SESN3: variants seen among roughly 807,000 people sequenced by gnomAD.
SESN3 encodes sestrin 3.
Under a neutral mutation model 55.3 loss-of-function variants are expected in SESN3, and 21 were observed. That is an observed-to-expected ratio of 0.38 (90% CI 0.27 to 0.55). SESN3 has a LOEUF of 0.55. Ranked by LOEUF, SESN3 falls within the 20% of genes least tolerant of loss-of-function variation. SESN3 has a pLI of 0.76. For synonymous variants in SESN3, 181 were observed against 203.1 expected (o/e 0.89, Z 0.93); for missense variants, 408 against 604.3 (o/e 0.68, Z 3.41).
At chr11:95,192,077 T>C (rs1860279874) in intron 2 of SESN3, among the ~76,000 whole-genome samples, 1 of 152,052 alleles carries the variant, frequency 6.6e-6, no homozygotes, top group South Asian at 2.1e-4. Context: ...AAAAAAAACT[T>C]TCTGAAGTCT....
rs1049580328 is a variant in SESN3 at position 95,169,230 on chromosome 11, G to A, written c.*4025C>T. On this transcript the variant is annotated 3_prime_UTR_variant, in exon 10 of 10. Coordinates refer to ENST00000536441, the MANE Select transcript of SESN3 (RefSeq NM_144665.4). ...ATTCATGTTACAGTACTGCTTTGAA[G>A]AAAGACTATTTAATTTGATTCTCAG... 3.3e-5 allele frequency: 5 copies of A among 152,156 alleles called. No individual in the cohort carries two copies. Among genetic ancestry groups the A allele is most frequent in the African/African-American group, 1.2e-4 (5 of 41,432 alleles). 9.4% of individuals were successfully genotyped at this position (152,156 alleles called of 1,614,324 possible). A position where few individuals can be genotyped will look rare whatever the true frequency, so the allele number is the denominator to read the frequency against.
intron 1 of SESN3, among the ~76,000 whole-genome samples, chr11:95,220,307 G>A (rs1387000140): frequency 2.0e-5 from 3 of 152,054 alleles, no homozygotes; most frequent in Non-Finnish European, 1.5e-5. Context: ...TCCAATTCGC[G>A]AGACACATAC....
chr11:95,223,210 C>A (rs759975384), intron 1 of SESN3, among the ~76,000 whole-genome samples: 12 of 149,440 alleles, frequency 8.0e-5, no homozygotes, highest in Admixed American at 1.3e-4. Context: ...GTCCACTATA[C>A]CTTTGAGGAT....
intron 1 of SESN3, among the ~76,000 whole-genome samples, chr11:95,212,912 C>G (rs2134257501): frequency 6.6e-6 from 1 of 152,244 alleles, no homozygotes; most frequent in East Asian, 1.9e-4. Context: ...TCATTTGAAT[C>G]TGCTCTCTGT....
At chr11:95,228,791 C>A (rs1860995038) in intron 1 of SESN3, among the ~76,000 whole-genome samples, 1 of 152,102 alleles carries the variant, frequency 6.6e-6, no homozygotes, top group Non-Finnish European at 1.5e-5. Flanking sequence ...ATGTGCTCAG[C>A]AATTATAAAA....
intron 1 of SESN3, among the ~76,000 whole-genome samples, chr11:95,218,743 C>G (rs1413318614): frequency 6.6e-6 from 1 of 151,658 alleles, no homozygotes; most frequent in African/African-American, 2.4e-5. Context: ...CTCCGCCTCC[C>G]GGGTTCACGG....
intron 5 of SESN3, 73 bp downstream of exon 5, chr11:95,185,183 A>C: frequency 1.2e-6 from 1 of 850,948 alleles, no homozygotes; most frequent in Non-Finnish European, 1.9e-6. Flanking sequence ...TTGGAGAAAA[A>C]TTCTCTCTAG....
chr11:95,223,880 A>G (rs1160621912), intron 1 of SESN3, among the ~76,000 whole-genome samples: 1 of 152,234 alleles, frequency 6.6e-6, no homozygotes, highest in African/African-American at 2.4e-5. Context: ...TGTGTGGGTT[A>G]TAACTGCCCA....
intron 9 of SESN3, among the ~76,000 whole-genome samples, chr11:95,173,879 G>C (rs1338641639): frequency 6.6e-6 from 1 of 151,894 alleles, no homozygotes. Flanking sequence ...CATTTCTTTC[G>C]GGGTTACATC....
intron 1 of SESN3, among the ~76,000 whole-genome samples, chr11:95,228,911 T>C (rs1860997429): frequency 6.6e-6 from 1 of 152,210 alleles, no homozygotes; most frequent in African/African-American, 2.4e-5. Flanking sequence ...AGGAAAGATG[T>C]AATATCTTAA....
intron 1 of SESN3, among the ~76,000 whole-genome samples, chr11:95,208,333 A>C (rs1222463576): frequency 6.6e-6 from 1 of 151,518 alleles, no homozygotes; most frequent in Non-Finnish European, 1.5e-5. Context: ...GTGAGGTTTA[A>C]CTTTATGTAA....
intron 8 of SESN3, among the ~76,000 whole-genome samples, chr11:95,175,902 A>G (rs1288246790): frequency 6.6e-6 from 1 of 152,224 alleles, no homozygotes; most frequent in African/African-American, 2.4e-5. Flanking sequence ...AATTAAAAAG[A>G]TAAACACATT....
In SESN3 at chr11:95,171,138, A is replaced by G. The variant is rs1405611436; in HGVS notation, c.*2117T>C. ...TTGAAAGCATCTAGTAAAAAAACAA[A>G]TTCAAGAATAAATGACATCCTCAAC... On this transcript the variant is annotated 3_prime_UTR_variant, in exon 10 of 10. Transcript: ENST00000536441. 2 of 152,208 alleles carry G rather than the reference A, an allele frequency of 1.3e-5. No individual in the cohort carries two copies. The highest frequency in any genetic ancestry group is 4.8e-5 in the African/African-American group (2 of 41,460). 9.4% of individuals were successfully genotyped at this position (152,208 alleles called of 1,614,324 possible).
chr11:95,187,089 C>T (rs1291604429), intron 4 of SESN3, among the ~76,000 whole-genome samples: 1 of 151,920 alleles, frequency 6.6e-6, no homozygotes, highest in Non-Finnish European at 1.5e-5. Context: ...AGCAAGGCCT[C>T]TCCTGTATAT....
intron 1 of SESN3, chr11:95,200,988 C>T (rs1179352287): frequency 2.0e-5 from 3 of 151,994 alleles, no homozygotes; most frequent in African/African-American, 7.2e-5. Flanking sequence ...CTACTTCAAC[C>T]TTAGAATGGT....
rs1565460870 is a variant in SESN3 at position 95,173,123 on chromosome 11, A to AAC, written c.*131_*132insGT. On this transcript the variant is annotated 3_prime_UTR_variant, in exon 10 of 10. Coordinates refer to ENST00000536441, the MANE Select transcript of SESN3 (RefSeq NM_144665.4). ...CACATTACAGCCGCAAAAAACAAAAAAAAAAAAACAAACGGCTAAACTTTG... is the reference window on the plus strand; with the variant it reads ...CACATTACAGCCGCAAAAAACAAAAAACAAAAAAAACAAACGGCTAAACTTTG... 1.4e-4 allele frequency: 76 copies of AAC among 526,386 alleles called. No homozygotes were observed. Among genetic ancestry groups the AAC allele is most frequent in the South Asian group, 3.4e-4 (9 of 26,318 alleles). The allele number at this position is 526,386 out of a possible 1,614,324, so 32.6% of individuals were successfully genotyped here. A position where few individuals can be genotyped will look rare whatever the true frequency, so the allele number is the denominator to read the frequency against.
At chr11:95,209,444 G>A (rs1346881090) in intron 1 of SESN3, among the ~76,000 whole-genome samples, 1 of 151,576 alleles carries the variant, frequency 6.6e-6, no homozygotes, top group South Asian at 2.1e-4. Flanking sequence ...CTTTTACACT[G>A]TTGGTGGGAG....
chr11:95,196,702 T>C (rs1016249312), intron 1 of SESN3, among the ~76,000 whole-genome samples: 1 of 152,190 alleles, frequency 6.6e-6, no homozygotes, highest in Non-Finnish European at 1.5e-5. Context: ...ATTAACCACA[T>C]TTCAGATGCT....
Position 95,198,330 on chromosome 11 carries a change from T to G in SESN3, c.79-4808A>C, listed in dbSNP as rs187642374. ...AAAATATTTTTATTTTTCTTCTGCTTATTTTCCTCAATGTCAAAAAAAAAA... is the reference window on the plus strand; with the variant it reads ...AAAATATTTTTATTTTTCTTCTGCTGATTTTCCTCAATGTCAAAAAAAAAA... On this transcript the variant is annotated intron_variant, in intron 1 of 9. Transcript: ENST00000536441. Among the ~76,000 whole-genome samples the G allele has an allele frequency of 2.0e-5, 3 of 148,450 alleles. No homozygotes were observed. In the East Asian group the frequency reaches 5.9e-4, roughly 29 times the overall value.
Sources: allele counts gnomAD v4.1 joint callset (sites outside exome capture counted in the v4.1 genomes callset), GRCh38; gene constraint gnomAD v4.1.1; transcripts MANE v1.5; gene names NCBI Gene and HGNC (gene_info 2026-07-23, HGNC 2026-07-21).